The following SFPQ variants were observed in gnomAD, a reference collection of about 807,000 sequenced individuals.
The protein encoded by SFPQ is splicing factor, proline- and glutamine-rich.
Under a neutral mutation model 72.9 loss-of-function variants are expected in SFPQ, and 11 were observed. The observed-to-expected ratio is 0.15, with a 90% CI of 0.09 to 0.25. The LOEUF (loss-of-function observed/expected upper bound fraction) is 0.25, where lower values mean the gene tolerates loss of function less well. Among genes scored for constraint, SFPQ ranks in the 10% least tolerant of loss-of-function variants. SFPQ has a pLI of 1.00. For missense variants in SFPQ, 847 were observed against 993.3 expected (o/e 0.85, Z 1.98); for synonymous variants, 506 against 367.3 (o/e 1.38, Z -4.32).
At chr1:35,188,168 G>T in intron 6 of SFPQ, 78 bp from the exon 7 acceptor site, 2 of 1,103,720 alleles carry the variant, frequency 1.8e-6, no homozygotes, top group Non-Finnish European at 2.8e-6. Flanking sequence ...CCTAGCAGTT[G>T]ACCTAAGAAC....
In SFPQ at chr1:35,192,882, AG is replaced by A; in HGVS notation, c.167del (p.Pro56LeufsTer66). The A allele has an allele frequency of 1.3e-6, 2 of 1,543,318 alleles. No individual in the cohort carries two copies. The highest frequency in any genetic ancestry group is 2.5e-5 in the East Asian group (1 of 39,850). ...PMGPGPGQSG[P>X]KPPIPPPPPH... Reference sequence around the variant, plus strand: ...GAGGCGGTGGCGGGATCGGAGGCTTAGGGCCGCTCTGGCCCGGGCCAGGACC... The same window carrying A: ...GAGGCGGTGGCGGGATCGGAGGCTTAGGCCGCTCTGGCCCGGGCCAGGACC... On this transcript the variant is annotated frameshift_variant, in exon 1 of 10. Coordinates refer to ENST00000357214, the MANE Select transcript of SFPQ (RefSeq NM_005066.3). LOFTEE classifies it high-confidence loss of function.
At chr1:35,184,642 T>G in intron 9 of SFPQ, 49 bp from the exon 10 acceptor site, 2 of 1,482,028 alleles carry the variant, frequency 1.3e-6, no homozygotes, top group Non-Finnish European at 1.8e-6. Flanking sequence ...GATGTCCATG[T>G]GTGTTAAGTA....
chr1:35,191,878 T>C (rs1383193811), intron 1 of SFPQ, among the ~76,000 whole-genome samples: 1 of 152,234 alleles, frequency 6.6e-6, no homozygotes, highest in Non-Finnish European at 1.5e-5. Context: ...GATCTGCGCC[T>C]GCGCTTTTAT....
intron 1 of SFPQ, 50 bp downstream of exon 1, chr1:35,192,172 G>A (rs776649383): frequency 4.1e-5 from 54 of 1,309,450 alleles, no homozygotes; most frequent in Non-Finnish European, 5.1e-5. Flanking sequence ...GCGAGGAGGG[G>A]GCCGCCGCCA....
At chr1:35,181,384 A>G, downstream of SFPQ, 1 of 1,064,568 alleles carries the variant, frequency 9.4e-7, no homozygotes, top group South Asian at 4.5e-5. Flanking sequence ...AATCTGCCAT[A>G]ATATGCCACT....
rs370767761 is a variant in SFPQ at position 35,187,284 on chromosome 1, C to T, written c.1816-33G>A. The T allele has an allele frequency of 2.3e-5, 37 of 1,589,820 alleles. No individual in the cohort carries two copies. The Admixed American group carries it at 6.2e-4, about 27-fold the overall frequency. On this transcript the variant is annotated intron_variant, in intron 7 of 9. Transcript: ENST00000357214. ...AAAAAAATTCCTTTCAATATACCTG[C>T]ACTATACCCACAGCAAGCATTCTTA...
At chr1:35,179,139 A>G (rs570476705), downstream of SFPQ, 1 of 1,059,706 alleles carries the variant, frequency 9.4e-7, no homozygotes, top group East Asian at 5.2e-5. Context: ...ATAAAGGCCC[A>G]GACCAACATC....
rs377659970 is a variant in SFPQ, at chr1:35,189,168, A to G, written c.1612+18T>C. On this transcript the variant is annotated intron_variant, in intron 5 of 9. Transcript: ENST00000357214. ...ACAATTGACCTTAGCAATGATGTTC[A>G]CGCACAGGTCTTTTTACCTTGGCGC... The G allele has an allele frequency of 1.9e-6, 3 of 1,613,514 alleles. No individual in the cohort carries two copies. The African/African-American group carries it at 4.0e-5, about 22-fold the overall frequency.
intron 2 of SFPQ, among the ~76,000 whole-genome samples, 162 bp downstream of exon 2, chr1:35,191,179 A>G (rs1317699036): frequency 1.3e-5 from 2 of 152,248 alleles, no homozygotes; most frequent in East Asian, 3.9e-4. Flanking sequence ...AGGTAGCAAC[A>G]ATTATGCATT....
rs749479589 is a variant in SFPQ at position 35,192,960 on chromosome 1, G to A, written c.90C>T (p.Asp30=). 34 of 1,583,500 alleles carry A rather than the reference G, an allele frequency of 2.1e-5. 1 individual carries two copies. The highest frequency in any genetic ancestry group is 2.0e-4 in the African/African-American group (15 of 74,392). ...CCATGCCGGGCGGCGGAGAACGGAAGTCGTGGAGGCCGCCGCGGCCGCCGC... is the reference window on the plus strand; with the variant it reads ...CCATGCCGGGCGGCGGAGAACGGAAATCGTGGAGGCCGCCGCGGCCGCCGC... ...GGGGGRGGLH[D]FRSPPPGMGL... The change falls in exon 1 of 10, where the codon GAC becomes GAT. Residue 30 remains aspartate, a synonymous_variant. Transcript: ENST00000357214.
Position 35,192,754 on chromosome 1 carries a change from G to C in SFPQ, c.296C>G (p.Pro99Arg). 6.7e-7 allele frequency: 1 copy of C among 1,493,544 alleles called. No homozygotes were observed. The highest frequency in any genetic ancestry group is 1.3e-5 in the South Asian group (1 of 79,800). 92.5% of individuals were successfully genotyped at this position (1,493,544 alleles called of 1,614,324 possible). ...PHPQPHQQQQPPPPPQDSSKP... is the reference protein window; with the variant it reads ...PHPQPHQQQQRPPPPQDSSKP... ...GGAAGAGTCCTGCGGCGGTGGCGGC[G>C]GCTGCTGCTGCTGATGCGGCTGTGG... Residue 99 changes from proline to arginine, a missense_variant, in exon 1 of 10, where the codon CCG (proline) becomes CGG (arginine). By Grantham distance (103) the Pro-to-Arg change is moderately radical. Around this residue, in one of 6 missense-constraint regions of SFPQ, gnomAD observed 498 missense variants for 405.1 expected, o/e 1.23. Coordinates refer to ENST00000357214, the MANE Select transcript of SFPQ (RefSeq NM_005066.3).
intron 6 of SFPQ, 73 bp from the exon 7 acceptor site, chr1:35,188,163 C>A: frequency 1.7e-6 from 2 of 1,150,728 alleles, no homozygotes; most frequent in Non-Finnish European, 1.3e-6. Flanking sequence ...AGAAACCTAG[C>A]AGTTGACCTA....
Position 35,190,681 on chromosome 1 carries a change from CA to C in SFPQ, c.1319+12del. 1 of 1,612,128 alleles carries C rather than the reference CA, an allele frequency of 6.2e-7. No individual in the cohort carries two copies. Among genetic ancestry groups the C allele is most frequent in the Non-Finnish European group, 8.5e-7 (1 of 1,178,934 alleles). On this transcript the variant is annotated intron_variant, in intron 3 of 9. Coordinates refer to ENST00000357214, the MANE Select transcript of SFPQ (RefSeq NM_005066.3). ...AGTTGATAGAAATTATTAGAATAAA[CA>C]AGACAACTTACGTCGTCAGTAAGAA... is the stretch of plus-strand genomic sequence containing the variant.
chr1:35,185,501 A>G (rs1363743337), intron 9 of SFPQ, among the ~76,000 whole-genome samples: 1 of 152,218 alleles, frequency 6.6e-6, no homozygotes, highest in African/African-American at 2.4e-5. Flanking sequence ...GTTTTAGGTA[A>G]TTCTGGAGAT....
chr1:35,186,608 TGGCAAATACC>T (rs1443548799), intron 9 of SFPQ, among the ~76,000 whole-genome samples: 1 of 147,094 alleles, frequency 6.8e-6, no homozygotes, highest in Non-Finnish European at 1.5e-5. Context: ...TTCCTACTTA[TGGCAAATACC>T]AGCTTAAAGA....
chr1:35,179,509 C>A, downstream of SFPQ: 1 of 1,054,972 alleles, frequency 9.5e-7, no homozygotes, highest in Non-Finnish European at 1.1e-6. Flanking sequence ...TTATGAAATA[C>A]AATGCAAGCA....
intron 5 of SFPQ, 29 bp from the exon 6 acceptor site, chr1:35,189,116 A>G (rs775295252): frequency 1.1e-5 from 17 of 1,613,312 alleles, no homozygotes; most frequent in Non-Finnish European, 1.4e-5. Context: ...TTGGATTCAC[A>G]TTAACAAGGT....
chr1:35,183,835 A>G lies in SFPQ; in HGVS notation c.*621T>C. 1 of 1,055,358 alleles carries G rather than the reference A, an allele frequency of 9.5e-7. No homozygotes were observed. 65.4% of individuals were successfully genotyped at this position (1,055,358 alleles called of 1,614,324 possible). On this transcript the variant is annotated 3_prime_UTR_variant, in exon 10 of 10. Coordinates refer to ENST00000357214, the MANE Select transcript of SFPQ (RefSeq NM_005066.3). ...CACCCATTCCACAATCTTAATACAT[A>G]TTCCTGAAGATTTACAGTTCAGCTT...
chr1:35,191,447 A>T lies in SFPQ; in HGVS notation c.911T>A (p.Leu304Gln). ...TTCATCCTCCGTGATATCAGCAGGT[A>T]GATTCCCAACAAACAACCGACATCG... ...TQRCRLFVGN[L>Q]PADITEDEFK... Residue 304 changes from leucine (L) to glutamine (Q), a missense_variant, in exon 2 of 10, where the codon CTA becomes CAA. This residue lies in a region of SFPQ where 35 missense variants were observed against 52.9 expected (regional missense o/e 0.66). Transcript: ENST00000357214. The T allele has an allele frequency of 6.2e-7, 1 of 1,614,140 alleles. No individual in the cohort carries two copies. Among genetic ancestry groups the T allele is most frequent in the Non-Finnish European group, 8.5e-7 (1 of 1,179,962 alleles).
Sources: gnomAD v4.1 joint callset for allele counts (sites outside exome capture counted in the v4.1 genomes callset) on GRCh38, gnomAD v4.1.1 for gene constraint, gnomAD v4.1.1 regional missense constraint, MANE v1.5 for transcripts, NCBI Gene and HGNC (gene_info 2026-07-23, HGNC 2026-07-21) for gene names.